Variants in GNB4 observed in about 807,000 individuals in gnomAD.
GNB4 encodes the protein G protein subunit beta 4, also known as guanine nucleotide-binding protein subunit beta-4.
GNB4 carries 28 observed loss-of-function variants against 45.2 expected under a neutral mutation model. The ratio of observed to expected loss-of-function variants is 0.62; its 90% CI spans 0.46 to 0.85. GNB4 has a LOEUF of 0.85. GNB4 is among the 40% of genes least tolerant of loss of function. The pLI is 0.00. For synonymous variants in GNB4, 132 were observed against 143.7 expected, an observed-to-expected ratio of 0.92 and a Z score of 0.58; for missense variants, 321 against 425.4, an observed-to-expected ratio of 0.75 and a Z score of 2.16.
chr3:179,404,220 CG>C (rs1270312097), intron 9 of GNB4, among the ~76,000 whole-genome samples: 7 of 152,016 alleles, frequency 4.6e-5, no homozygotes, highest in African/African-American at 1.7e-4. Flanking sequence ...TTTAAAAAGT[CG>C]GAATTATGTA....
chr3:179,513,540 A>G, the GNB4 span, among the ~76,000 whole-genome samples: 1 of 152,060 alleles, frequency 6.6e-6, no homozygotes, highest in African/African-American at 2.4e-5. Flanking sequence ...CATAGTTTAA[A>G]TGGTCAAATA....
At chr3:179,455,419 G>A (rs1715963048), upstream of GNB4, among the ~76,000 whole-genome samples, 1 of 152,178 alleles carries the variant, frequency 6.6e-6, no homozygotes, top group South Asian at 2.1e-4. Context: ...GTGATCTTAA[G>A]CAGATCTTAC....
At chr3:179,464,442 GTT>G in the GNB4 span, 1 of 1,566,700 alleles carries the variant, frequency 6.4e-7, no homozygotes, top group East Asian at 2.2e-5. Flanking sequence ...CCTCACGGCA[GTT>G]ACAGATGAAG....
the GNB4 span, among the ~76,000 whole-genome samples, chr3:179,524,502 T>G: frequency 0.69 from 105,227 of 152,124 alleles, 37,120 homozygotes; most frequent in East Asian, 0.98. Flanking sequence ...CACAACAGAG[T>G]CAAGTAATTG....
At chr3:179,463,508 T>C in the GNB4 span, among the ~76,000 whole-genome samples, 1 of 152,346 alleles carries the variant, frequency 6.6e-6, no homozygotes, top group South Asian at 2.1e-4. Flanking sequence ...TTGTGTAATC[T>C]TCTCAGTAGC....
chr3:179,408,303 C>T lies in GNB4; in HGVS notation c.700-2897G>A, dbSNP rs1293830987. 5.9e-5 allele frequency among the ~76,000 whole-genome samples: 9 copies of T among 152,074 alleles called. No individual in the cohort carries two copies. In the East Asian group the frequency reaches 7.7e-4, roughly 13 times the overall value. ...ATGAAAAGTGCACTGGATGGGTTCA[C>T]GGCCGATTAGATACAACAGAAAAGA... On this transcript the variant is annotated intron_variant, in intron 8 of 9. Coordinates refer to ENST00000232564, the MANE Select transcript of GNB4 (RefSeq NM_021629.4).
intron 9 of GNB4, among the ~76,000 whole-genome samples, chr3:179,404,393 C>A (rs979381311): frequency 4.6e-5 from 7 of 152,146 alleles, no homozygotes; most frequent in African/African-American, 1.7e-4. Context: ...CAAGTAACAG[C>A]AATACAGGCA....
upstream of GNB4, among the ~76,000 whole-genome samples, chr3:179,451,956 C>T (rs1715893425): frequency 6.6e-6 from 1 of 152,166 alleles, no homozygotes; most frequent in Non-Finnish European, 1.5e-5. Context: ...AGTCCCCGCT[C>T]TTCCATCACT....
chr3:179,485,126 T>A, the GNB4 span, among the ~76,000 whole-genome samples: 4 of 147,766 alleles, frequency 2.7e-5, no homozygotes, highest in Non-Finnish European at 5.9e-5. Flanking sequence ...TTCTCCTGCC[T>A]CACCCTCCCA....
chr3:179,480,090 T>C, the GNB4 span, among the ~76,000 whole-genome samples: 1 of 152,216 alleles, frequency 6.6e-6, no homozygotes, highest in East Asian at 1.9e-4. Context: ...AAAGCAAGGT[T>C]TGTGACTCTT....
the GNB4 span, among the ~76,000 whole-genome samples, chr3:179,458,229 G>A: frequency 6.6e-6 from 1 of 152,152 alleles, no homozygotes; most frequent in Non-Finnish European, 1.5e-5. Flanking sequence ...GTGATGTGGG[G>A]AGGGGCAGGG....
At chr3:179,451,810 C>G (rs1715890165), upstream of GNB4, among the ~76,000 whole-genome samples, 1 of 152,200 alleles carries the variant, frequency 6.6e-6, no homozygotes, top group Non-Finnish European at 1.5e-5. Flanking sequence ...CCGGCGCTGA[C>G]AGGCGCCAGT....
the GNB4 span, among the ~76,000 whole-genome samples, chr3:179,521,880 G>A: frequency 1.1e-4 from 17 of 151,610 alleles, no homozygotes; most frequent in Admixed American, 1.1e-3. Context: ...TAACAACCCC[G>A]CAATATCACC....
chr3:179,454,462 TAGG>T (rs1715948785), upstream of GNB4, among the ~76,000 whole-genome samples: 2 of 152,214 alleles, frequency 1.3e-5, no homozygotes, highest in Admixed American at 6.5e-5. Flanking sequence ...ATTGCTTTTC[TAGG>T]AGTTTAGTTA....
At chr3:179,497,727 C>T in the GNB4 span, among the ~76,000 whole-genome samples, 8 of 151,666 alleles carry the variant, frequency 5.3e-5, no homozygotes, top group East Asian at 1.9e-4. Flanking sequence ...ATGAAAAAAA[C>T]GAGCAAAGCA....
chr3:179,440,882 G>GAT lies in GNB4; in HGVS notation c.-43+10463_-43+10464insAT, dbSNP rs530670275. 4.9e-4 allele frequency among the ~76,000 whole-genome samples: 71 copies of GAT among 145,964 alleles called. 1 individual carries two copies. The South Asian group carries it at 9.8e-3, about 20-fold the overall frequency. ...AAATTCCTATATATATAGATAGATA[G>GAT]AGAGAGAGAGAGAGAGAGAGATACA... is the stretch of plus-strand genomic sequence containing the variant. On this transcript the variant is annotated intron_variant, in intron 1 of 9. Transcript: ENST00000232564.
chr3:179,517,129 C>G, the GNB4 span, among the ~76,000 whole-genome samples: 4 of 152,258 alleles, frequency 2.6e-5, 1 homozygote, highest in African/African-American at 9.6e-5. Flanking sequence ...CATACACATC[C>G]AGATGGCCGG....
chr3:179,450,976 C>G (rs1383299308), intron 1 of GNB4: 2 of 152,258 alleles, frequency 1.3e-5, no homozygotes, highest in Non-Finnish European at 2.9e-5. Flanking sequence ...GGGGCACGCA[C>G]GGGCTCGTGC....
At chr3:179,445,057 T>C (rs894430531) in intron 1 of GNB4, among the ~76,000 whole-genome samples, 2 of 152,162 alleles carry the variant, frequency 1.3e-5, no homozygotes, top group Non-Finnish European at 2.9e-5. Context: ...AAAAATCCTA[T>C]ATAAGAGCCT....
Sources: allele counts gnomAD v4.1 joint callset (sites outside exome capture counted in the v4.1 genomes callset), GRCh38; gene constraint gnomAD v4.1.1; transcripts MANE v1.5; gene names NCBI Gene and HGNC (gene_info 2026-07-23, HGNC 2026-07-21).